The following GOSR1 variants were observed in gnomAD, a reference collection of about 807,000 sequenced individuals.
The protein encoded by GOSR1 is 28 kDa Golgi SNARE protein.
Under a neutral mutation model 35.5 loss-of-function variants are expected in GOSR1, and 21 were observed. The observed-to-expected ratio is 0.59, with a 90% CI of 0.42 to 0.85. The LOEUF (loss-of-function observed/expected upper bound fraction) is 0.85. Among genes scored for constraint, GOSR1 ranks in the 40% least tolerant of loss-of-function variants. The pLI, the probability that GOSR1 is intolerant of heterozygous loss-of-function variation, is 0.00. For missense variants in GOSR1, 285 were observed against 309.6 expected (o/e 0.92, Z 0.60); for synonymous variants, 94 against 106.6 (o/e 0.88, Z 0.73).
intron 7 of GOSR1, among the ~76,000 whole-genome samples, chr17:30,511,616 G>C (rs189770825): frequency 6.6e-6 from 1 of 151,486 alleles, no homozygotes; most frequent in African/African-American, 2.4e-5. Context: ...TGCAACCTCC[G>C]CCTCCTGGGT....
intron 2 of GOSR1, among the ~76,000 whole-genome samples, chr17:30,481,979 TA>T (rs1005672285): frequency 2.8e-4 from 43 of 151,344 alleles, no homozygotes; most frequent in African/African-American, 9.5e-4. Context: ...AAAATAGAAA[TA>T]AAAAAAAATT....
At chr17:30,484,636 GA>G in intron 3 of GOSR1, 26 bp from the exon 4 acceptor site, 2 of 1,208,146 alleles carry the variant, frequency 1.7e-6, no homozygotes, top group Non-Finnish European at 2.3e-6. Context: ...AAAATATTTT[GA>G]TTGTTTTTTT....
At chr17:30,509,188 G>A (rs1967523300) in intron 6 of GOSR1, among the ~76,000 whole-genome samples, 1 of 152,144 alleles carries the variant, frequency 6.6e-6, no homozygotes, top group Non-Finnish European at 1.5e-5. Flanking sequence ...TGTTGGGCAG[G>A]CTGGTCAAGG....
chr17:30,477,935 G>A, intron 1 of GOSR1: 2 of 983,262 alleles, frequency 2.0e-6, no homozygotes, highest in Middle Eastern at 5.2e-4. Context: ...TCCGTCGGAG[G>A]AAGTATGAAG....
At position 30,520,565 on chromosome 17, in the gene GOSR1, T is replaced by A. The variant is rs1967990318; in HGVS notation, c.622+544T>A. Reference sequence around the variant, plus strand: ...TTTAAAATGTTTCAGTTTTCTGTTTTAAATTAGGATTATTAATACTTCCCA... The same window carrying A: ...TTTAAAATGTTTCAGTTTTCTGTTTAAAATTAGGATTATTAATACTTCCCA... On this transcript the variant is annotated intron_variant, in intron 8 of 8. Transcript: ENST00000451249. 1.3e-5 allele frequency: 2 copies of A among 152,182 alleles called. 1 individual carries two copies. Among genetic ancestry groups the A allele is most frequent in the South Asian group, 4.1e-4 (2 of 4,828 alleles). The allele number at this position is 152,182 out of a possible 1,614,324, so 9.4% of individuals were successfully genotyped here. A position where few individuals can be genotyped will look rare whatever the true frequency, so the allele number is the denominator to read the frequency against.
chr17:30,493,413 C>T (rs759515474), intron 6 of GOSR1, among the ~76,000 whole-genome samples: 3 of 152,128 alleles, frequency 2.0e-5, no homozygotes, highest in African/African-American at 7.2e-5. Flanking sequence ...TTCGTCATTG[C>T]CCTCAGTATG....
At position 30,525,684 on chromosome 17, in the gene GOSR1, T is replaced by C. The variant is rs1968171289; in HGVS notation, c.*3306T>C. ...TCTTTTGTGCATTCATTAAAGCTGA[T>C]TGTGTGAGAGTGAACTGGGACACAA... is the stretch of plus-strand genomic sequence containing the variant. On this transcript the variant is annotated 3_prime_UTR_variant, in exon 9 of 9. Transcript: ENST00000451249. 1 of 152,196 alleles carries C rather than the reference T, an allele frequency of 6.6e-6. No homozygotes were observed. Among genetic ancestry groups the C allele is most frequent in the South Asian group, 2.1e-4 (1 of 4,826 alleles). The allele number at this position is 152,196 out of a possible 1,614,324, so 9.4% of individuals were successfully genotyped here.
chr17:30,505,558 T>C (rs1423173685), intron 6 of GOSR1, among the ~76,000 whole-genome samples: 1 of 152,250 alleles, frequency 6.6e-6, no homozygotes, highest in African/African-American at 2.4e-5. Flanking sequence ...TCTAACAGCA[T>C]ATGCTCACTT....
chr17:30,520,097 G>T, intron 8 of GOSR1, 76 bp downstream of exon 8: 1 of 912,424 alleles, frequency 1.1e-6, no homozygotes, highest in Non-Finnish European at 1.8e-6. Context: ...TTTATAGGGG[G>T]CAGGTTGCCA....
chr17:30,526,588 A>G lies in GOSR1; in HGVS notation c.*4210A>G, dbSNP rs989995834. The G allele has an allele frequency of 6.6e-6, 1 of 152,626 alleles. No individual in the cohort carries two copies. The allele number at this position is 152,626 out of a possible 1,614,324, so 9.5% of individuals were successfully genotyped here. A position where few individuals can be genotyped will look rare whatever the true frequency, so the allele number is the denominator to read the frequency against. On this transcript the variant is annotated 3_prime_UTR_variant, in exon 9 of 9. Transcript: ENST00000451249. Reference sequence around the variant, plus strand: ...GAGGAGGGAAATCAATTCCAACCATACTTTCCTGTGATGGAAGATGTTTCC... The same window carrying G: ...GAGGAGGGAAATCAATTCCAACCATGCTTTCCTGTGATGGAAGATGTTTCC...
At position 30,525,033 on chromosome 17, in the gene GOSR1, A is replaced by G. The variant is rs997753436; in HGVS notation, c.*2655A>G. 6.6e-6 allele frequency: 1 copy of G among 152,214 alleles called. No homozygotes were observed. Among genetic ancestry groups the G allele is most frequent in the African/African-American group, 2.4e-5 (1 of 41,442 alleles). 9.4% of individuals were successfully genotyped at this position (152,214 alleles called of 1,614,324 possible). A position where few individuals can be genotyped will look rare whatever the true frequency, so the allele number is the denominator to read the frequency against. On this transcript the variant is annotated 3_prime_UTR_variant, in exon 9 of 9. Coordinates refer to ENST00000451249, the MANE Select transcript of GOSR1 (RefSeq NM_001007025.2). Reference sequence around the variant, plus strand: ...AGTTAACCATTTCTTAGTTTCTGTAAATTCATGACTTGTCTTACTGAACTA... The same window carrying G: ...AGTTAACCATTTCTTAGTTTCTGTAGATTCATGACTTGTCTTACTGAACTA...
At chr17:30,495,927 C>G (rs1034940909) in intron 6 of GOSR1, among the ~76,000 whole-genome samples, 2 of 152,176 alleles carry the variant, frequency 1.3e-5, no homozygotes, top group African/African-American at 4.8e-5. Flanking sequence ...TCTGCCTTGC[C>G]TGATGCCTTT....
intron 4 of GOSR1, 85 bp from the exon 5 acceptor site, chr17:30,490,039 TAC>T (rs1914937578): frequency 1.6e-6 from 1 of 622,774 alleles, no homozygotes; most frequent in African/African-American, 1.9e-5. Context: ...TTGACAAATT[TAC>T]AGTGTGATGA....
intron 6 of GOSR1, among the ~76,000 whole-genome samples, chr17:30,501,538 C>T (rs1967206478): frequency 6.6e-6 from 1 of 151,806 alleles, no homozygotes; most frequent in Non-Finnish European, 1.5e-5. Context: ...GCTGTGTCAC[C>T]CAGGCTGGAG....
rs1442700812 is a variant in GOSR1 at position 30,526,358 on chromosome 17, C to A, written c.*3980C>A. On this transcript the variant is annotated 3_prime_UTR_variant, in exon 9 of 9. Transcript: ENST00000451249. ...ACTGAAAAAATATGAAAAACCATGA[C>A]AATAGGGCTGGGTGCAGTGGCTCAC... is the stretch of plus-strand genomic sequence containing the variant. The A allele has an allele frequency of 1.3e-5, 2 of 152,156 alleles. No individual in the cohort carries two copies. The highest frequency in any genetic ancestry group is 2.4e-5 in the African/African-American group (1 of 41,432). The allele number at this position is 152,156 out of a possible 1,614,324, so 9.4% of individuals were successfully genotyped here. A position where few individuals can be genotyped will look rare whatever the true frequency, so the allele number is the denominator to read the frequency against.
intron 5 of GOSR1, 61 bp from the exon 6 acceptor site, chr17:30,492,618 C>A: frequency 1.1e-6 from 1 of 910,196 alleles, no homozygotes; most frequent in South Asian, 1.4e-5. Flanking sequence ...TCACTAGGGT[C>A]AGTCAATCTG....
chr17:30,497,034 T>C (rs1292995979), intron 6 of GOSR1, among the ~76,000 whole-genome samples: 12 of 152,186 alleles, frequency 7.9e-5, no homozygotes, highest in South Asian at 6.2e-4. Flanking sequence ...ATTTAAAATA[T>C]TATCCTAATT....
chr17:30,481,525 T>A (rs1275283529), intron 2 of GOSR1, among the ~76,000 whole-genome samples: 2 of 152,128 alleles, frequency 1.3e-5, no homozygotes, highest in Non-Finnish European at 2.9e-5. Flanking sequence ...ATCAAAAATA[T>A]AAGTGTCTAA....
chr17:30,511,116 C>T (rs1967597003), intron 7 of GOSR1, among the ~76,000 whole-genome samples: 2 of 152,178 alleles, frequency 1.3e-5, no homozygotes, highest in Non-Finnish European at 2.9e-5. Context: ...TCCATAGTTA[C>T]TTTAATTAAG....
Sources: allele counts gnomAD v4.1 joint callset (sites outside exome capture counted in the v4.1 genomes callset), GRCh38; gene constraint gnomAD v4.1.1; transcripts MANE v1.5; gene names NCBI Gene and HGNC (gene_info 2026-07-23, HGNC 2026-07-21).